OR10J1: variants seen among roughly 807,000 people sequenced by gnomAD.
OR10J1 encodes olfactory receptor family 10 subfamily J member 1, also known as olfactory receptor 10J1.
For synonymous variants in OR10J1, 202 were observed against 143.8 expected, an observed-to-expected ratio of 1.40 and a Z score of -2.89; for missense variants, 474 against 376.6, an observed-to-expected ratio of 1.26 and a Z score of -2.14.
In OR10J1 at chr1:159,440,057, G is replaced by A; in HGVS notation, c.266G>A (p.Ser89Asn). The A allele has an allele frequency of 6.2e-7, 1 of 1,614,028 alleles. No individual in the cohort carries two copies. The highest frequency in any genetic ancestry group is 1.1e-5 in the South Asian group (1 of 91,082). The change falls in exon 1 of 1, where the codon AGC becomes AAC. Residue 89 changes from serine (S) to asparagine (N), a missense_variant. Coordinates refer to ENST00000423932, the MANE Select transcript of OR10J1 (RefSeq NM_012351.3). ...ATGCTCTCCAGCCTCGTAGGTATGA[G>A]CCAGCCCATATCATTGGCAGGGTGT... The part of the protein sequence containing the change: ...PRMLSSLVGM[S>N]QPISLAGCAT...
the OR10J1 span, among the ~76,000 whole-genome samples, chr1:159,408,648 C>T: frequency 6.6e-6 from 1 of 151,902 alleles, no homozygotes. Flanking sequence ...GTGATAAATT[C>T]TCATTCCACC....
chr1:159,426,186 G>A, the OR10J1 span, among the ~76,000 whole-genome samples: 2 of 151,752 alleles, frequency 1.3e-5, no homozygotes, highest in Non-Finnish European at 3.0e-5. Context: ...ATAAAATATG[G>A]TGTAAGTAAT....
chr1:159,403,597 C>T, the OR10J1 span, among the ~76,000 whole-genome samples: 1 of 151,968 alleles, frequency 6.6e-6, no homozygotes, highest in Non-Finnish European at 1.5e-5. Flanking sequence ...GGTTTATATC[C>T]AAAAGACAAG....
chr1:159,400,500 A>G, the OR10J1 span, among the ~76,000 whole-genome samples: 2 of 151,226 alleles, frequency 1.3e-5, no homozygotes, highest in East Asian at 3.9e-4. Context: ...ATAATGATAA[A>G]GTGGTCACTT....
chr1:159,432,213 C>A, the OR10J1 span: 1 of 400,724 alleles, frequency 2.5e-6, no homozygotes, highest in Non-Finnish European at 4.4e-6. Context: ...AATGCCAAGG[C>A]CCAATTTCAT....
chr1:159,438,553 A>G (rs1571157714), upstream of OR10J1, among the ~76,000 whole-genome samples: 1 of 152,276 alleles, frequency 6.6e-6, no homozygotes, highest in East Asian at 1.9e-4. Context: ...TTTAGTATCA[A>G]ATGATTTTCT....
At chr1:159,413,721 G>A in the OR10J1 span, among the ~76,000 whole-genome samples, 12 of 151,028 alleles carry the variant, frequency 7.9e-5, no homozygotes, top group Non-Finnish European at 1.6e-4. Flanking sequence ...GATAGCATTA[G>A]GAGATATACC....
At chr1:159,398,031 G>T in the OR10J1 span, among the ~76,000 whole-genome samples, 2 of 152,222 alleles carry the variant, frequency 1.3e-5, no homozygotes, top group African/African-American at 2.4e-5. Context: ...ACCCCCAGCT[G>T]TAGGTGGCTC....
At chr1:159,437,415 C>T (rs772400495), upstream of OR10J1, among the ~76,000 whole-genome samples, 1 of 151,830 alleles carries the variant, frequency 6.6e-6, no homozygotes, top group Non-Finnish European at 1.5e-5. Context: ...TTCCTGAAAT[C>T]CAAGGTGGTA....
the OR10J1 span, among the ~76,000 whole-genome samples, chr1:159,401,515 T>C: frequency 2.0e-5 from 3 of 151,836 alleles, no homozygotes; most frequent in Non-Finnish European, 4.4e-5. Flanking sequence ...AATGAACAAA[T>C]ACTTAGGTAG....
chr1:159,403,760 C>T, the OR10J1 span, among the ~76,000 whole-genome samples: 1 of 152,084 alleles, frequency 6.6e-6, no homozygotes, highest in Non-Finnish European at 1.5e-5. Context: ...AATCCAACTG[C>T]TGGATATATA....
chr1:159,421,503 G>C, the OR10J1 span, among the ~76,000 whole-genome samples: 3 of 152,110 alleles, frequency 2.0e-5, no homozygotes, highest in Non-Finnish European at 2.9e-5. Flanking sequence ...TGCACATCTG[G>C]TGCAATAGTT....
the OR10J1 span, among the ~76,000 whole-genome samples, chr1:159,418,263 ACATGTTAGAGAC>A: frequency 6.6e-6 from 1 of 152,160 alleles, no homozygotes; most frequent in African/African-American, 2.4e-5. Flanking sequence ...TGTCTCCAGG[ACATGTTAGAGAC>A]CTTTGCAGCA....
chr1:159,412,157 A>T, the OR10J1 span, among the ~76,000 whole-genome samples: 343 of 152,066 alleles, frequency 2.3e-3, 1 homozygote, highest in Non-Finnish European at 4.1e-3. Flanking sequence ...TTCAAGGAGA[A>T]CTACAAACCA....
chr1:159,434,456 T>C (rs1046065629), upstream of OR10J1, among the ~76,000 whole-genome samples: 3 of 152,074 alleles, frequency 2.0e-5, no homozygotes, highest in African/African-American at 7.2e-5. Context: ...CTTTGGTGCA[T>C]CCCTTTTTCA....
At chr1:159,422,798 T>A in the OR10J1 span, among the ~76,000 whole-genome samples, 1 of 152,132 alleles carries the variant, frequency 6.6e-6, no homozygotes, top group Non-Finnish European at 1.5e-5. Context: ...TGGCTAGAGT[T>A]GTAGGAGTCT....
chr1:159,423,337 C>T, the OR10J1 span, among the ~76,000 whole-genome samples: 11 of 152,126 alleles, frequency 7.2e-5, no homozygotes, highest in Non-Finnish European at 1.6e-4. Context: ...CTCTGTGGGC[C>T]TCTTACATTT....
At chr1:159,401,667 C>T in the OR10J1 span, among the ~76,000 whole-genome samples, 2 of 151,864 alleles carry the variant, frequency 1.3e-5, no homozygotes, top group South Asian at 2.1e-4. Flanking sequence ...TTCTACCAAA[C>T]ATTTAAAAAA....
At chr1:159,436,771 A>C (rs1209539926), upstream of OR10J1, among the ~76,000 whole-genome samples, 1 of 152,174 alleles carries the variant, frequency 6.6e-6, no homozygotes, top group Non-Finnish European at 1.5e-5. Flanking sequence ...GAGGCTCTTA[A>C]AAGTGATACA....
Sources: gnomAD v4.1 joint callset for allele counts (sites outside exome capture counted in the v4.1 genomes callset) on GRCh38, gnomAD v4.1.1 for gene constraint, MANE v1.5 for transcripts, NCBI Gene and HGNC (gene_info 2026-07-23, HGNC 2026-07-21) for gene names.